Variants in GPAT4 observed in about 807,000 individuals in gnomAD.
GPAT4 encodes the protein glycerol-3-phosphate acyltransferase 4.
In GPAT4, 17 loss-of-function variants were observed where a neutral mutation model predicts 58.0. That is an observed-to-expected ratio of 0.29 (90% CI 0.20 to 0.44). The LOEUF (loss-of-function observed/expected upper bound fraction) is 0.44. Among genes scored for constraint, GPAT4 ranks in the 20% least tolerant of loss-of-function variants. The probability of loss-of-function intolerance (pLI) is 1.00; values close to 1 mark genes in which losing one functional copy is unlikely to be tolerated. For synonymous variants in GPAT4, 204 were observed against 210.1 expected (o/e 0.97, Z 0.25); for missense variants, 377 against 574.5 (o/e 0.66, Z 3.51).
intron 1 of GPAT4, among the ~76,000 whole-genome samples, chr8:41,585,764 T>C (rs1802635880): frequency 6.6e-6 from 1 of 152,232 alleles, no homozygotes; most frequent in African/African-American, 2.4e-5. Flanking sequence ...TTGGCCATCA[T>C]GCTTTACTGC....
chr8:41,590,045 C>T (rs781374243), intron 1 of GPAT4, among the ~76,000 whole-genome samples: 2 of 152,192 alleles, frequency 1.3e-5, no homozygotes, highest in Non-Finnish European at 2.9e-5. Context: ...TCTGAGACCA[C>T]CACCAAATTC....
At chr8:41,587,943 T>C (rs1298926032) in intron 1 of GPAT4, among the ~76,000 whole-genome samples, 3 of 152,254 alleles carry the variant, frequency 2.0e-5, no homozygotes, top group African/African-American at 4.8e-5. Context: ...AGAATTTCTT[T>C]GCCATCTCAC....
At chr8:41,614,684 C>G (rs542184481) in intron 9 of GPAT4, among the ~76,000 whole-genome samples, 7 of 152,336 alleles carry the variant, frequency 4.6e-5, no homozygotes, top group Non-Finnish European at 7.3e-5. Context: ...TTCAGCTCCT[C>G]ACAGAGCTCA....
rs556081964 is a variant in GPAT4, at chr8:41,611,541, G to A, written c.612-362G>A. On this transcript the variant is annotated intron_variant, in intron 5 of 12. Coordinates refer to ENST00000396987, the MANE Select transcript of GPAT4 (RefSeq NM_178819.4). ...TTTTGCTCCCTTTGGGAAGTTCTGG[G>A]GTTTAGAAACCTTTCTTCTGCCTGG... Among the ~76,000 whole-genome samples the A allele has an allele frequency of 7.2e-5, 11 of 152,338 alleles. No homozygotes were observed. In the South Asian group the frequency reaches 2.3e-3, roughly 32 times the overall value.
chr8:41,615,147 T>C, intron 10 of GPAT4, 99 bp downstream of exon 10: 1 of 1,078,562 alleles, frequency 9.3e-7, no homozygotes. Flanking sequence ...CACCAGTCTG[T>C]GGTCGATGCC....
chr8:41,618,203 A>AGTGT (rs1803648580), intron 10 of GPAT4, among the ~76,000 whole-genome samples: 1 of 152,294 alleles, frequency 6.6e-6, no homozygotes, highest in East Asian at 1.9e-4. Flanking sequence ...ATCATATTTA[A>AGTGT]AAGTTGGTGT....
At position 41,618,898 on chromosome 8, in the gene GPAT4, G is replaced by A. The variant is rs776455733; in HGVS notation, c.1183G>A (p.Ala395Thr). ...TGGTCTCATTTGTTCTTTCTTACAGGCAGATGAAGATGCTGTCCAGTTTGC... is the reference window on the plus strand; with the variant it reads ...TGGTCTCATTTGTTCTTTCTTACAGACAGATGAAGATGCTGTCCAGTTTGC... ...VWYLPPMTRE[A>T]DEDAVQFANR... The change falls in exon 12 of 13, where the codon GCA (alanine) becomes ACA (threonine). Residue 395 changes from alanine to threonine, a missense_variant and splice_region_variant. Transcript: ENST00000396987. 5 of 1,614,196 alleles carry A rather than the reference G, an allele frequency of 3.1e-6. No homozygotes were observed. The highest frequency in any genetic ancestry group is 4.2e-6 in the Non-Finnish European group (5 of 1,180,042).
At chr8:41,592,637 G>A (rs1802818370) in intron 1 of GPAT4, among the ~76,000 whole-genome samples, 1 of 152,138 alleles carries the variant, frequency 6.6e-6, no homozygotes, top group Non-Finnish European at 1.5e-5. Flanking sequence ...AACATGAAGT[G>A]ACATTGAGAG....
At chr8:41,616,676 G>A (rs1044547781) in intron 10 of GPAT4, among the ~76,000 whole-genome samples, 1 of 152,174 alleles carries the variant, frequency 6.6e-6, no homozygotes, top group Non-Finnish European at 1.5e-5. Flanking sequence ...CAGTTCTGAA[G>A]CAGTGGCTCT....
chr8:41,610,386 AG>A (rs1447889414), intron 4 of GPAT4: 68 of 1,233,710 alleles, frequency 5.5e-5, no homozygotes, highest in Non-Finnish European at 7.0e-5. Flanking sequence ...GTTGCTTCAG[AG>A]GGAAGCTGTG....
intron 2 of GPAT4, among the ~76,000 whole-genome samples, chr8:41,607,861 G>A (rs1803326025): frequency 2.0e-5 from 3 of 152,090 alleles, no homozygotes; most frequent in African/African-American, 7.2e-5. Context: ...TATTCTTGCA[G>A]TGCCAAAACA....
At chr8:41,591,033 T>G (rs1041474558) in intron 1 of GPAT4, among the ~76,000 whole-genome samples, 2 of 152,044 alleles carry the variant, frequency 1.3e-5, no homozygotes, top group Non-Finnish European at 2.9e-5. Context: ...GACTCACATC[T>G]CCAAAAACCA....
chr8:41,589,915 G>A, intron 1 of GPAT4, among the ~76,000 whole-genome samples: 1 of 152,188 alleles, frequency 6.6e-6, no homozygotes, highest in East Asian at 1.9e-4. Context: ...AGGAGATGTT[G>A]CCCTGGACAG....
chr8:41,584,118 A>G (rs959739816), intron 1 of GPAT4, among the ~76,000 whole-genome samples: 1 of 152,044 alleles, frequency 6.6e-6, no homozygotes, highest in Non-Finnish European at 1.5e-5. Flanking sequence ...GCTGTTGTTG[A>G]ACTCCTGTCC....
intron 2 of GPAT4, among the ~76,000 whole-genome samples, chr8:41,608,356 T>A (rs1025021192): frequency 6.6e-6 from 1 of 152,278 alleles, no homozygotes; most frequent in Non-Finnish European, 1.5e-5. Flanking sequence ...TCGTGCCCAC[T>A]GTGCATAACC....
chr8:41,583,277 A>G (rs1336901297), intron 1 of GPAT4, among the ~76,000 whole-genome samples: 2 of 151,760 alleles, frequency 1.3e-5, no homozygotes, highest in Admixed American at 6.6e-5. Flanking sequence ...TAGTCATCCT[A>G]CTTTGCTATT....
At chr8:41,613,082 T>C in intron 8 of GPAT4, 122 bp downstream of exon 8, 2 of 756,974 alleles carry the variant, frequency 2.6e-6, no homozygotes, top group Non-Finnish European at 4.0e-6. Flanking sequence ...GCTTTCATAA[T>C]AATTTTTTCC....
At chr8:41,587,570 G>C (rs1469763164) in intron 1 of GPAT4, among the ~76,000 whole-genome samples, 1 of 152,216 alleles carries the variant, frequency 6.6e-6, no homozygotes, top group Non-Finnish European at 1.5e-5. Flanking sequence ...GGGCTGGACA[G>C]TTCCTCATTG....
At chr8:41,619,081 C>A in intron 12 of GPAT4, 104 bp downstream of exon 12, 3 of 1,390,482 alleles carry the variant, frequency 2.2e-6, no homozygotes, top group South Asian at 2.5e-5. Context: ...TTAAACTTGT[C>A]AGCTCTAGAG....
Sources: gnomAD v4.1 joint callset for allele counts (sites outside exome capture counted in the v4.1 genomes callset) on GRCh38, gnomAD v4.1.1 for gene constraint, MANE v1.5 for transcripts, NCBI Gene and HGNC (gene_info 2026-07-23, HGNC 2026-07-21) for gene names.